ZFP64: variants seen among roughly 807,000 people sequenced by gnomAD.
The protein encoded by ZFP64 is zinc finger protein 64.
In ZFP64, 14 loss-of-function variants were observed where a neutral mutation model predicts 51.6. That is an observed-to-expected ratio of 0.27 (90% CI 0.18 to 0.42). The LOEUF (loss-of-function observed/expected upper bound fraction) is 0.42. ZFP64 is among the 10% of genes least tolerant of loss of function. The pLI is 1.00. For missense variants in ZFP64, 754 were observed against 906.8 expected (o/e 0.83, Z 2.16); for synonymous variants, 375 against 361.4 (o/e 1.04, Z -0.43).
chr20:52,164,736 T>C lies in ZFP64; in HGVS notation c.470A>G (p.Tyr157Cys). ...CYPGCQFKTA[Y>C]GMKDMERHLK... ...ATGCCGCTCCATGTCCTTCATGCCA[T>C]AAGCAGTCTTGAATTGGCAACCTAA... The change falls in exon 4 of 6, where the codon TAT (tyrosine) becomes TGT (cysteine). Residue 157 changes from tyrosine to cysteine, a missense_variant. Tyr to Cys is a radical substitution (Grantham distance 194). This residue lies in a region of ZFP64 where 231 missense variants were observed against 336.7 expected (regional missense o/e 0.69). Coordinates refer to ENST00000216923, the MANE Select transcript of ZFP64 (RefSeq NM_018197.3). 1 of 1,611,862 alleles carries C rather than the reference T, an allele frequency of 6.2e-7. No homozygotes were observed. Among genetic ancestry groups the C allele is most frequent in the Non-Finnish European group, 8.5e-7 (1 of 1,179,624 alleles).
chr20:52,175,701 G>A (rs1013855633), intron 2 of ZFP64, among the ~76,000 whole-genome samples: 14 of 152,054 alleles, frequency 9.2e-5, no homozygotes, highest in African/African-American at 2.9e-4. Flanking sequence ...AAAATTAGCC[G>A]GACGTGGTGG....
chr20:52,102,336 G>C (rs1001792914), intron 5 of ZFP64, among the ~76,000 whole-genome samples: 4 of 152,104 alleles, frequency 2.6e-5, no homozygotes, highest in African/African-American at 9.7e-5. Flanking sequence ...GATTGAGTAG[G>C]TATGGGGTGG....
At chr20:52,089,401 G>A (rs1341642046) in intron 7 of ZFP64, among the ~76,000 whole-genome samples, 1 of 152,182 alleles carries the variant, frequency 6.6e-6, no homozygotes, top group Non-Finnish European at 1.5e-5. Context: ...ATTGGTGGAT[G>A]TAGGTCATCA....
chr20:52,085,192 C>T lies in ZFP64; in HGVS notation c.1303G>A (p.Val435Met), dbSNP rs1213340077. 6.2e-7 allele frequency: 1 copy of T among 1,614,170 alleles called. No individual in the cohort carries two copies. Among genetic ancestry groups the T allele is most frequent in the African/African-American group, 1.3e-5 (1 of 75,044 alleles). ...TTGAAAGGCTTCTCCCCCGAGTGCA[C>T]GATCATGTGCCTTTTCAAGTCCGAG... Residue 435 changes from valine to methionine, a missense_variant, in exon 9 of 9, where the codon GTG becomes ATG. Transcript: ENST00000361387. This position sits in a 1 kb window ranked among gnomAD's most constrained non-coding sequence, Gnocchi z 4.3.
intron 5 of ZFP64, chr20:52,110,830 T>A: frequency 6.2e-7 from 1 of 1,601,744 alleles, no homozygotes; most frequent in African/African-American, 1.3e-5. Context: ...CAGCTCCATG[T>A]TCAGCTTGTC....
chr20:52,186,226 C>CAGGGGTAT (rs998104218), intron 2 of ZFP64, among the ~76,000 whole-genome samples: 1 of 152,116 alleles, frequency 6.6e-6, no homozygotes, highest in Non-Finnish European at 1.5e-5. Context: ...CCCCTTAAGA[C>CAGGGGTAT]AGGGGTATAA....
intron 2 of ZFP64, among the ~76,000 whole-genome samples, chr20:52,173,372 A>G (rs1203180520): frequency 6.6e-6 from 1 of 152,190 alleles, no homozygotes; most frequent in South Asian, 2.1e-4. Context: ...TGATCACTTG[A>G]GACCAGGAGT....
chr20:52,124,550 C>G (rs996498428), intron 5 of ZFP64, among the ~76,000 whole-genome samples: 6 of 151,832 alleles, frequency 4.0e-5, no homozygotes, highest in African/African-American at 1.5e-4. Context: ...AAAAATTCAG[C>G]TTTGCTGTAT....
intron 5 of ZFP64, among the ~76,000 whole-genome samples, chr20:52,144,009 G>A (rs1980394917): frequency 7.0e-6 from 1 of 143,120 alleles, no homozygotes; most frequent in Non-Finnish European, 1.6e-5. Flanking sequence ...ATTCCTGATT[G>A]CCTATGTAAT....
chr20:52,125,494 T>C (rs1979405566), intron 5 of ZFP64, among the ~76,000 whole-genome samples: 1 of 152,182 alleles, frequency 6.6e-6, no homozygotes. Context: ...CATCATACAC[T>C]AGTTAAAGCT....
intron 5 of ZFP64, among the ~76,000 whole-genome samples, chr20:52,156,779 T>C (rs1015952815): frequency 2.0e-5 from 3 of 152,302 alleles, no homozygotes; most frequent in Non-Finnish European, 4.4e-5. Flanking sequence ...TGCACACTAC[T>C]TAATGGCAAA....
chr20:52,098,065 T>C (rs1317079260), intron 6 of ZFP64, among the ~76,000 whole-genome samples: 1 of 148,480 alleles, frequency 6.7e-6, no homozygotes, highest in East Asian at 2.0e-4. Flanking sequence ...GACCTTGTCT[T>C]GGGATGCTGA....
rs34646115 is a variant in ZFP64 at position 52,102,107 on chromosome 20, C to CAAAAAAAAAAAAAAAAAAAAAAAAAA, written c.764-3521_764-3520insTTTTTTTTTTTTTTTTTTTTTTTTTT. Among the ~76,000 whole-genome samples the CAAAAAAAAAAAAAAAAAAAAAAAAAA allele has an allele frequency of 8.8e-4, 56 of 63,398 alleles. 4 individuals carry two copies. The highest frequency in any genetic ancestry group is 1.3e-3 in the Non-Finnish European group (44 of 32,668). The allele number at this position is 63,398 out of a possible 152,430, so 41.6% of individuals were successfully genotyped here. Reference sequence around the variant, plus strand: ...AGCCTGGTGAGAGTAACTCCATCTCCAAAAAAAAAAAAAAAAAAGGCAGCA... The same window carrying CAAAAAAAAAAAAAAAAAAAAAAAAAA: ...AGCCTGGTGAGAGTAACTCCATCTCCAAAAAAAAAAAAAAAAAAAAAAAAAAAAAAAAAAAAAAAAAAAAGGCAGCA... On this transcript the variant is annotated intron_variant, in intron 5 of 8. Coordinates refer to the ZFP64 transcript ENST00000361387.
chr20:52,118,272 G>T (rs933737654), intron 5 of ZFP64, among the ~76,000 whole-genome samples: 3 of 151,978 alleles, frequency 2.0e-5, no homozygotes, highest in Non-Finnish European at 4.4e-5. Flanking sequence ...GGTGGAGGAG[G>T]ATTCTGTTTG....
At chr20:52,097,960 CAG>C (rs1940770535) in intron 6 of ZFP64, among the ~76,000 whole-genome samples, 2 of 151,888 alleles carry the variant, frequency 1.3e-5, no homozygotes, top group African/African-American at 4.8e-5. Flanking sequence ...CCCAACTACT[CAG>C]GGGGCGGATG....
intron 7 of ZFP64, among the ~76,000 whole-genome samples, chr20:52,089,500 G>C (rs977989563): frequency 6.6e-6 from 1 of 152,128 alleles, no homozygotes. Flanking sequence ...CAGTGCTTTG[G>C]GGGGCTGAGG....
intron 5 of ZFP64, among the ~76,000 whole-genome samples, chr20:52,111,990 G>C (rs554782483): frequency 6.6e-6 from 1 of 150,648 alleles, no homozygotes; most frequent in Non-Finnish European, 1.5e-5. Flanking sequence ...GCTGAGGCAC[G>C]AGAATCGCTT....
intron 5 of ZFP64, among the ~76,000 whole-genome samples, chr20:52,114,127 A>T (rs1301827056): frequency 2.0e-5 from 3 of 152,192 alleles, no homozygotes; most frequent in Non-Finnish European, 4.4e-5. Flanking sequence ...GATAAGAAAA[A>T]CATGATATGT....
At chr20:52,129,608 TC>T (rs1979624397) in intron 5 of ZFP64, among the ~76,000 whole-genome samples, 1 of 152,118 alleles carries the variant, frequency 6.6e-6, no homozygotes, top group African/African-American at 2.4e-5. Flanking sequence ...ATTGTGTAAC[TC>T]CTATGTAGCA....
Sources: gnomAD v4.1 joint callset for allele counts (sites outside exome capture counted in the v4.1 genomes callset) on GRCh38, gnomAD v4.1.1 for gene constraint, gnomAD v4.1.1 regional missense constraint, Gnocchi (gnomAD v3.1) non-coding constraint, MANE v1.5 for transcripts, NCBI Gene and HGNC (gene_info 2026-07-23, HGNC 2026-07-21) for gene names.